Variants in RNF130 observed in about 807,000 individuals in gnomAD.
The protein encoded by RNF130 is E3 ubiquitin-protein ligase RNF130.
RNF130 carries 21 observed loss-of-function variants against 44.6 expected under a neutral mutation model. The ratio of observed to expected loss-of-function variants is 0.47; its 90% CI spans 0.33 to 0.68. The LOEUF (loss-of-function observed/expected upper bound fraction) is 0.68, where lower values mean the gene tolerates loss of function less well. RNF130 is among the 30% of genes least tolerant of loss of function. The pLI is 0.02. For missense variants in RNF130, 479 were observed against 560.6 expected (o/e 0.85, Z 1.47); for synonymous variants, 214 against 210.4 (o/e 1.02, Z -0.15).
chr5:179,946,593 G>A (rs1461208727), intron 7 of RNF130, among the ~76,000 whole-genome samples: 17 of 146,308 alleles, frequency 1.2e-4, no homozygotes, highest in African/African-American at 1.5e-4. Flanking sequence ...TCGCTCTGTC[G>A]CCCAGGCTGG....
intron 7 of RNF130, among the ~76,000 whole-genome samples, chr5:179,946,716 G>T (rs531153660): frequency 2.0e-3 from 307 of 152,142 alleles, no homozygotes; most frequent in Non-Finnish European, 3.0e-3. Context: ...ACCACGCCCG[G>T]CTAATTTTTT....
At chr5:180,005,299 G>A (rs181559154) in intron 3 of RNF130, among the ~76,000 whole-genome samples, 1 of 152,104 alleles carries the variant, frequency 6.6e-6, no homozygotes, top group Admixed American at 6.5e-5. Flanking sequence ...CTGGTGGTGG[G>A]CACCTGTAAT....
downstream of RNF130, among the ~76,000 whole-genome samples, chr5:179,952,019 T>C (rs887748617): frequency 2.6e-5 from 4 of 151,556 alleles, no homozygotes; most frequent in Non-Finnish European, 5.9e-5. Flanking sequence ...CTAAACCAAG[T>C]AGAAGAAATA....
At chr5:179,922,544 C>T (rs1761649684) in intron 7 of RNF130, among the ~76,000 whole-genome samples, 1 of 151,692 alleles carries the variant, frequency 6.6e-6, no homozygotes, top group Non-Finnish European at 1.5e-5. Flanking sequence ...AACTCCTGAG[C>T]TCAAGCGATC....
exon 8 of RNF130, chr5:179,918,928 C>T (rs78789084): frequency 0.017 from 2,661 of 152,318 alleles, 109 homozygotes; most frequent in East Asian, 0.1. Context: ...GGAAAAATGG[C>T]AAGTGTTCAC....
chr5:179,982,931 T>C (rs1010285590), intron 3 of RNF130, among the ~76,000 whole-genome samples: 4 of 152,174 alleles, frequency 2.6e-5, no homozygotes, highest in Non-Finnish European at 4.4e-5. Flanking sequence ...ATGTTGACCA[T>C]CTTTTCATGT....
intron 7 of RNF130, among the ~76,000 whole-genome samples, chr5:179,941,459 G>A (rs1426400265): frequency 6.6e-6 from 1 of 152,170 alleles, no homozygotes; most frequent in Non-Finnish European, 1.5e-5. Context: ...GGATCCCAAT[G>A]GAAGGCCTGG....
At chr5:179,960,852 A>T (rs1762311007) in intron 8 of RNF130, among the ~76,000 whole-genome samples, 1 of 152,192 alleles carries the variant, frequency 6.6e-6, no homozygotes, top group African/African-American at 2.4e-5. Flanking sequence ...GGTGAAAAAA[A>T]AAAAAATCTT....
intron 3 of RNF130, among the ~76,000 whole-genome samples, chr5:179,995,406 A>G (rs1763178746): frequency 6.6e-6 from 1 of 152,078 alleles, no homozygotes. Flanking sequence ...AGCTGTACTC[A>G]TTTATCATTT....
intron 7 of RNF130, among the ~76,000 whole-genome samples, chr5:179,943,634 G>C (rs933070718): frequency 6.6e-6 from 1 of 152,182 alleles, no homozygotes; most frequent in African/African-American, 2.4e-5. Flanking sequence ...CACAGAAAAG[G>C]TGAGGCTCAG....
At chr5:180,032,191 G>T (rs1309135150) in intron 2 of RNF130, among the ~76,000 whole-genome samples, 1 of 152,066 alleles carries the variant, frequency 6.6e-6, no homozygotes, top group Non-Finnish European at 1.5e-5. Context: ...CAATGACAAA[G>T]GTTTTTAATT....
At chr5:179,917,722 C>G (rs1761573085) in exon 8 of RNF130, 1 of 152,322 alleles carries the variant, frequency 6.6e-6, no homozygotes, top group Middle Eastern at 3.4e-3. Context: ...CCATTCTTGG[C>G]TGGGCATGGT....
At chr5:180,030,517 T>C (rs1764109919) in intron 2 of RNF130, among the ~76,000 whole-genome samples, 1 of 152,190 alleles carries the variant, frequency 6.6e-6, no homozygotes. Context: ...TTTTTAAAAA[T>C]ACATGTTCCC....
At chr5:180,020,859 T>C (rs1763853912) in intron 2 of RNF130, among the ~76,000 whole-genome samples, 1 of 152,162 alleles carries the variant, frequency 6.6e-6, no homozygotes, top group Non-Finnish European at 1.5e-5. Context: ...CAGTGAAGAA[T>C]TTCCAGGGGT....
chr5:180,052,469 C>T (rs144316977), intron 1 of RNF130, among the ~76,000 whole-genome samples: 211 of 152,348 alleles, frequency 1.4e-3, no homozygotes, highest in African/African-American at 5.0e-3. Flanking sequence ...CACCCTTGAT[C>T]CAGAGCAGCG....
chr5:180,013,591 A>G (rs1409533974), intron 2 of RNF130, among the ~76,000 whole-genome samples: 1 of 152,244 alleles, frequency 6.6e-6, no homozygotes, highest in Non-Finnish European at 1.5e-5. Context: ...CATTTTTAAA[A>G]AAAGATTATT....
At chr5:179,974,201 C>T (rs1305819818) in intron 5 of RNF130, among the ~76,000 whole-genome samples, 1 of 152,208 alleles carries the variant, frequency 6.6e-6, no homozygotes, top group African/African-American at 2.4e-5. Flanking sequence ...TATGGACCCT[C>T]GGCTGCAGTG....
rs116365960 is a variant in RNF130, at chr5:179,973,450, C to T, written c.849-2944G>A. ...AGTTCTGCTACAACAGTCTGGTGCT[C>T]GGCAAACCACCTTTCTGCTGTGCAG... On this transcript the variant is annotated intron_variant, in intron 5 of 8. Transcript: ENST00000521389. Among the ~76,000 whole-genome samples the T allele has an allele frequency of 1.7e-3, 263 of 152,324 alleles. 2 individuals are homozygous for T. Among genetic ancestry groups the T allele is most frequent in the African/African-American group, 5.7e-3 (236 of 41,574 alleles).
At chr5:180,065,759 C>CAA (rs1453297622) in intron 1 of RNF130, among the ~76,000 whole-genome samples, 30 of 82,270 alleles carry the variant, frequency 3.6e-4, no homozygotes, top group Non-Finnish European at 4.3e-4. Context: ...GACTCTGTCT[C>CAA]AAAAAAAAAA....
Sources: allele counts gnomAD v4.1 joint callset (sites outside exome capture counted in the v4.1 genomes callset), GRCh38; gene constraint gnomAD v4.1.1; transcripts MANE v1.5; gene names NCBI Gene and HGNC (gene_info 2026-07-23, HGNC 2026-07-21).